LAMA4: variants seen among roughly 807,000 people sequenced by gnomAD.
LAMA4 encodes laminin subunit alpha-4.
Under a neutral mutation model 207.1 loss-of-function variants are expected in LAMA4, and 127 were observed. The observed-to-expected ratio is 0.61, with a 90% CI of 0.53 to 0.71. LAMA4 has a LOEUF of 0.71. Ranked by LOEUF, LAMA4 falls within the 30% of genes least tolerant of loss-of-function variation. The pLI is 0.00. For synonymous variants in LAMA4, 761 were observed against 816.0 expected (o/e 0.93, Z 1.15); for missense variants, 2,093 against 2,246.5 (o/e 0.93, Z 1.38).
At chr6:112,215,875 G>T (rs1554358469) in intron 3 of LAMA4, among the ~76,000 whole-genome samples, 1 of 152,180 alleles carries the variant, frequency 6.6e-6, no homozygotes. Flanking sequence ...CAAGGGCAAA[G>T]CTTTCATTTT....
upstream of LAMA4, chr6:112,254,667 C>T (rs1787743827): frequency 5.8e-6 from 1 of 173,490 alleles, no homozygotes; most frequent in South Asian, 1.4e-4. Context: ...CTGCGGTCTT[C>T]CCTCCCCTCT....
At chr6:112,170,337 G>A (rs782040111) in intron 12 of LAMA4, among the ~76,000 whole-genome samples, 12 of 152,158 alleles carry the variant, frequency 7.9e-5, no homozygotes, top group Non-Finnish European at 1.8e-4. Flanking sequence ...TGGGTTGGCA[G>A]GTCCACTTCT....
In LAMA4 at chr6:112,114,074, A is replaced by G. The variant is rs2114552737; in HGVS notation, c.5326+2T>C. On this transcript the variant is annotated splice_donor_variant, in intron 38 of 38. Transcript: ENST00000230538. LOFTEE classifies it high-confidence loss of function. The stretch of plus-strand genomic sequence containing the variant: ...AACTTTTCCTTTTTAAACAACACTT[A>G]CCTGGAACACCTCCAACAAACACAG... The G allele has an allele frequency of 6.8e-6, 11 of 1,613,846 alleles. No homozygotes were observed. The highest frequency in any genetic ancestry group is 9.3e-6 in the Non-Finnish European group (11 of 1,179,778).
chr6:112,122,295 A>T, intron 31 of LAMA4, 94 bp from the exon 32 acceptor site: 1 of 937,532 alleles, frequency 1.1e-6, no homozygotes, highest in Non-Finnish European at 1.7e-6. Flanking sequence ...ATAAAAAATT[A>T]TATATTATTT....
At chr6:112,253,808 T>G (rs782356540) in intron 2 of LAMA4, 148 bp downstream of exon 2, 4 of 1,614,132 alleles carry the variant, frequency 2.5e-6, no homozygotes, top group South Asian at 2.2e-5. Context: ...AAACTCTTTA[T>G]TTCAAGTTTC....
rs1554342281 is a variant in LAMA4, at chr6:112,172,694, C to T, written c.1468G>A (p.Glu490Lys). ...TAGTTAAGGGCCTGGTCAAGTGCTT[C>T]CTGGAGATCTGACAACTTAGCATTG... Reference protein sequence around the residue: ...DYNAKLSDLQEALDQALNYVR... With the variant: ...DYNAKLSDLQKALDQALNYVR... The change falls in exon 12 of 39, where the codon GAA becomes AAA. Residue 490 changes from glutamate to lysine, a missense_variant. Physicochemically the swap from Glu to Lys is moderately conservative, Grantham distance 56. Around this residue, in one of 3 missense-constraint regions of LAMA4, gnomAD observed 1,704 missense variants for 1,788.4 expected, o/e 0.95. Transcript: ENST00000230538. The T allele has an allele frequency of 1.2e-6, 2 of 1,613,784 alleles. No individual in the cohort carries two copies. Among genetic ancestry groups the T allele is most frequent in the African/African-American group, 2.7e-5 (2 of 74,856 alleles).
intron 2 of LAMA4, among the ~76,000 whole-genome samples, chr6:112,242,021 A>C (rs960116906): frequency 2.6e-5 from 4 of 152,154 alleles, no homozygotes; most frequent in African/African-American, 9.7e-5. Flanking sequence ...TATTCCCTGA[A>C]AAGTGTGAGC....
chr6:112,202,674 C>A (rs538367278), intron 4 of LAMA4, among the ~76,000 whole-genome samples: 1 of 152,278 alleles, frequency 6.6e-6, no homozygotes, highest in Non-Finnish European at 1.5e-5. Context: ...AAAGGCAACA[C>A]CCACAATTTA....
At chr6:112,221,002 T>C (rs1314491919) in intron 2 of LAMA4, among the ~76,000 whole-genome samples, 2 of 152,176 alleles carry the variant, frequency 1.3e-5, no homozygotes, top group African/African-American at 2.4e-5. Context: ...AGAATTTCTG[T>C]TGAGAAGCCT....
chr6:112,171,549 C>T (rs1237125607), intron 12 of LAMA4: 1 of 153,574 alleles, frequency 6.5e-6, no homozygotes, highest in East Asian at 1.9e-4. Context: ...TGGGAGGAAC[C>T]TGCGGTTGAC....
intron 5 of LAMA4, among the ~76,000 whole-genome samples, chr6:112,199,160 C>A (rs1203516768): frequency 6.6e-6 from 1 of 152,184 alleles, no homozygotes; most frequent in Non-Finnish European, 1.5e-5. Flanking sequence ...AGGCATTTAT[C>A]ATCTGTAATT....
intron 23 of LAMA4, among the ~76,000 whole-genome samples, 189 bp downstream of exon 23, chr6:112,139,563 A>G (rs549907872): frequency 3.3e-5 from 5 of 152,230 alleles, no homozygotes; most frequent in African/African-American, 1.2e-4. Context: ...GTTGTTTAAC[A>G]CTTCATACTT....
intron 7 of LAMA4, among the ~76,000 whole-genome samples, chr6:112,188,372 AT>A (rs1276736341): frequency 6.6e-6 from 1 of 152,156 alleles, no homozygotes; most frequent in Non-Finnish European, 1.5e-5. Context: ...ATGTTCTTAA[AT>A]TGGCCTTGTC....
At position 112,117,826 on chromosome 6, in the gene LAMA4, A is replaced by G. The variant is rs781941778; in HGVS notation, c.4894T>C (p.Ser1632Pro). 8 of 1,613,634 alleles carry G rather than the reference A, an allele frequency of 5.0e-6. No individual in the cohort carries two copies. In the African/African-American group the frequency reaches 8.0e-5, roughly 16 times the overall value. ...QLNGASITSA[S>P]QTFSVTPCFE... ...CAAGGGGTCACACTGAATGTCTGAG[A>G]AGCAGAGGTGATGGAGGCCCCATTG... is the stretch of plus-strand genomic sequence containing the variant. Residue 1632 changes from serine to proline, a missense_variant, in exon 35 of 39, where the codon TCT becomes CCT. Physicochemically the swap from Ser to Pro is moderately conservative, Grantham distance 74 (BLOSUM62 -1). Around this residue, in one of 3 missense-constraint regions of LAMA4, gnomAD observed 383 missense variants for 437.8 expected, o/e 0.87. Coordinates refer to ENST00000230538, the MANE Select transcript of LAMA4 (RefSeq NM_001105206.3). This position sits in a 1 kb window ranked among gnomAD's most constrained non-coding sequence, Gnocchi z 4.5.
intron 3 of LAMA4, chr6:112,214,189 G>C (rs941123934): frequency 1.1e-5 from 5 of 438,236 alleles, no homozygotes; most frequent in Non-Finnish European, 1.2e-5. Context: ...TCATGTGCAA[G>C]CATTTTCTGC....
chr6:112,119,180 A>G lies in LAMA4; in HGVS notation c.4797T>C (p.Pro1599=). The G allele has an allele frequency of 1.2e-6, 2 of 1,613,996 alleles. No homozygotes were observed. The highest frequency in any genetic ancestry group is 1.7e-6 in the Non-Finnish European group (2 of 1,179,924). ...KGPIYLGGVA[P]GKAVKNVQIN... ...CCTGAACATTTTTCACAGCCTTTCC[A>G]GGAGCCACACCTCCCAAATAAATGG... The change falls in exon 34 of 39, where the codon CCT becomes CCC. Residue 1599 remains proline, a synonymous_variant. Coordinates refer to ENST00000230538, the MANE Select transcript of LAMA4 (RefSeq NM_001105206.3).
chr6:112,206,389 A>T (rs1784059189), intron 4 of LAMA4, among the ~76,000 whole-genome samples: 1 of 152,176 alleles, frequency 6.6e-6, no homozygotes, highest in Admixed American at 6.5e-5. Context: ...ATACCTCTTA[A>T]ATTCCATATT....
intron 2 of LAMA4, among the ~76,000 whole-genome samples, chr6:112,239,604 G>T (rs187025164): frequency 1.3e-5 from 2 of 152,236 alleles, no homozygotes; most frequent in East Asian, 1.9e-4. Flanking sequence ...AGTTCAGAAG[G>T]CCGGAAGACT....
chr6:112,214,509 T>C (rs1387004068), intron 3 of LAMA4, among the ~76,000 whole-genome samples: 7 of 152,204 alleles, frequency 4.6e-5, no homozygotes, highest in African/African-American at 1.7e-4. Context: ...ATAATCTGTT[T>C]AATAGGAAAA....
Sources: allele counts gnomAD v4.1 joint callset (sites outside exome capture counted in the v4.1 genomes callset), GRCh38; gene constraint gnomAD v4.1.1; regional missense constraint gnomAD v4.1.1; non-coding constraint Gnocchi (gnomAD v3.1); transcripts MANE v1.5; gene names NCBI Gene and HGNC (gene_info 2026-07-23, HGNC 2026-07-21).